Variants in CLEC3A observed in about 807,000 individuals in gnomAD.
The protein encoded by CLEC3A is C-type lectin domain family 3 member A, also known as C-type (calcium dependent, carbohydrate-recognition domain) lectin, superfamily member 1 (cartilage-derived).
A neutral mutation model predicts 20.4 loss-of-function variants in CLEC3A; 28 were observed. The ratio of observed to expected loss-of-function variants is 1.37; its 90% CI spans 1.02 to 1.88. The LOEUF (loss-of-function observed/expected upper bound fraction) is 1.88. Ranked by LOEUF, CLEC3A falls within the 40% of genes most tolerant of loss-of-function variation. CLEC3A has a pLI of 0.00. For synonymous variants in CLEC3A, 110 were observed against 88.1 expected, an observed-to-expected ratio of 1.25 and a Z score of -1.39; for missense variants, 357 against 240.4, an observed-to-expected ratio of 1.48 and a Z score of -3.21.
intron 1 of CLEC3A, among the ~76,000 whole-genome samples, chr16:78,023,476 C>A (rs2018775191): frequency 6.6e-6 from 1 of 152,014 alleles, no homozygotes; most frequent in Non-Finnish European, 1.5e-5. Flanking sequence ...GAGGTGTTTG[C>A]AATACGTTGA....
At chr16:78,030,256 G>C (rs1245859192) in intron 2 of CLEC3A, among the ~76,000 whole-genome samples, 191 bp from the exon 3 acceptor site, 1 of 152,004 alleles carries the variant, frequency 6.6e-6, no homozygotes, top group Non-Finnish European at 1.5e-5. Flanking sequence ...AACTTCATGG[G>C]GTTGTCAGGA....
chr16:78,025,098 C>G (rs962391323), intron 1 of CLEC3A, among the ~76,000 whole-genome samples: 1 of 152,190 alleles, frequency 6.6e-6, no homozygotes, highest in Non-Finnish European at 1.5e-5. Context: ...CATGAGCCAT[C>G]ATACCCAGCC....
intron 1 of CLEC3A, among the ~76,000 whole-genome samples, chr16:78,024,575 C>A (rs1331957846): frequency 2.0e-5 from 3 of 152,250 alleles, no homozygotes; most frequent in East Asian, 3.9e-4. Context: ...ATAGTTTTTG[C>A]TACTTTTTGC....
intron 2 of CLEC3A, 64 bp downstream of exon 2, chr16:78,028,254 C>T: frequency 8.3e-7 from 1 of 1,203,832 alleles, no homozygotes; most frequent in Non-Finnish European, 1.2e-6. Flanking sequence ...GGGTCAATTT[C>T]TGGGGGACGT....
chr16:78,023,391 C>A (rs2018774136), intron 1 of CLEC3A, among the ~76,000 whole-genome samples: 1 of 151,966 alleles, frequency 6.6e-6, no homozygotes, highest in South Asian at 2.1e-4. Flanking sequence ...ACTGAATCTC[C>A]CAGGAACCTC....
chr16:78,029,157 T>C (rs1284261483), intron 2 of CLEC3A: 1 of 455,730 alleles, frequency 2.2e-6, no homozygotes, highest in African/African-American at 2.0e-5. Context: ...GGTAAGTAAT[T>C]TGTTCAAGAG....
chr16:78,023,473 T>C (rs557645371), intron 1 of CLEC3A, among the ~76,000 whole-genome samples: 1 of 152,248 alleles, frequency 6.6e-6, no homozygotes, highest in Admixed American at 6.5e-5. Context: ...AGCGAGGTGT[T>C]TGCAATACGT....
At chr16:78,028,300 G>C in intron 2 of CLEC3A, 110 bp downstream of exon 2, 1 of 682,926 alleles carries the variant, frequency 1.5e-6, no homozygotes. Flanking sequence ...CAATAATGTG[G>C]CCAATAAGAG....
intron 2 of CLEC3A, among the ~76,000 whole-genome samples, chr16:78,029,756 G>C (rs1455977117): frequency 6.6e-6 from 1 of 152,012 alleles, no homozygotes; most frequent in Non-Finnish European, 1.5e-5. Flanking sequence ...AGAGTAGCAA[G>C]CATGTATATA....
At chr16:78,030,359 C>G (rs948933263) in intron 2 of CLEC3A, 88 bp from the exon 3 acceptor site, 1 of 1,182,660 alleles carries the variant, frequency 8.5e-7, no homozygotes, top group African/African-American at 1.5e-5. Flanking sequence ...CTTCATTCCA[C>G]AAATACTTAT....
intron 1 of CLEC3A, among the ~76,000 whole-genome samples, chr16:78,025,929 A>T (rs912054707): frequency 2.6e-5 from 4 of 152,182 alleles, no homozygotes; most frequent in Admixed American, 1.3e-4. Context: ...GAGGCCACTT[A>T]TTTAAGGAGA....
chr16:78,022,600 A>G lies in CLEC3A; in HGVS notation c.-27A>G, dbSNP rs2018763938. Reference sequence around the variant, plus strand: ...TAGCTGCTCTAAGGGGGCTGGCAACATGGCTCAGCAGGCTTGCCCCAGAGC... The same window carrying G: ...TAGCTGCTCTAAGGGGGCTGGCAACGTGGCTCAGCAGGCTTGCCCCAGAGC... On this transcript the variant is annotated 5_prime_UTR_variant, in exon 1 of 3. An upstream start codon of the reference 5' UTR is lost. Coordinates refer to ENST00000299642, the MANE Select transcript of CLEC3A (RefSeq NM_005752.6). 1 of 1,612,876 alleles carries G rather than the reference A, an allele frequency of 6.2e-7. No homozygotes were observed. The highest frequency in any genetic ancestry group is 8.5e-7 in the Non-Finnish European group (1 of 1,179,456).
At position 78,028,132 on chromosome 16, in the gene CLEC3A, A is replaced by C; in HGVS notation, c.141A>C (p.Gln47His). The C allele has an allele frequency of 6.2e-7, 1 of 1,611,944 alleles. No homozygotes were observed. The highest frequency in any genetic ancestry group is 8.5e-7 in the Non-Finnish European group (1 of 1,179,540). Residue 47 changes from glutamine to histidine, a missense_variant, in exon 2 of 3, where the codon CAA (glutamine) becomes CAC (histidine). Coordinates refer to ENST00000299642, the MANE Select transcript of CLEC3A (RefSeq NM_005752.6). Reference sequence around the variant, plus strand: ...ACAAGGATGGAGATCTGAAGACTCAAATTGAAAAGCTCTGGACAGAAGTCA... The same window carrying C: ...ACAAGGATGGAGATCTGAAGACTCACATTGAAAAGCTCTGGACAGAAGTCA... ...VRDKDGDLKT[Q>H]IEKLWTEVNA... is the part of the protein sequence containing the mutation.
At chr16:78,026,593 T>A (rs2029929956) in intron 1 of CLEC3A, among the ~76,000 whole-genome samples, 1 of 152,204 alleles carries the variant, frequency 6.6e-6, no homozygotes, top group African/African-American at 2.4e-5. Context: ...ATGGAGACAA[T>A]GATTGTGTCT....
At chr16:78,023,685 T>C (rs1452521030) in intron 1 of CLEC3A, among the ~76,000 whole-genome samples, 1 of 152,064 alleles carries the variant, frequency 6.6e-6, no homozygotes, top group African/African-American at 2.4e-5. Flanking sequence ...AGGGGTCTTG[T>C]GCTTTAAGGA....
intron 1 of CLEC3A, 145 bp from the exon 2 acceptor site, chr16:78,027,962 A>G: frequency 3.0e-6 from 2 of 677,284 alleles, no homozygotes; most frequent in South Asian, 3.5e-5. Context: ...GCCCCAAGTT[A>G]TTTTCACGCA....
intron 1 of CLEC3A, among the ~76,000 whole-genome samples, chr16:78,023,789 G>A (rs528979820): frequency 1.1e-4 from 16 of 143,968 alleles, no homozygotes; most frequent in South Asian, 4.4e-4. Context: ...ACAGAGTCTC[G>A]CTCTGTCGCC....
At position 78,031,443 on chromosome 16, in the gene CLEC3A, T is replaced by C. The variant is rs915153402; in HGVS notation, c.*602T>C. The C allele has an allele frequency of 1.3e-5, 2 of 152,168 alleles. No homozygotes were observed. The highest frequency in any genetic ancestry group is 2.9e-5 in the Non-Finnish European group (2 of 68,036). 9.4% of individuals were successfully genotyped at this position (152,168 alleles called of 1,614,324 possible). On this transcript the variant is annotated 3_prime_UTR_variant, in exon 3 of 3. Transcript: ENST00000299642. ...AGAGGTTCTGATTTGATTTTTTTTT[T>C]TTCTTCATGCCTACCCTTTTTTTGG...
intron 1 of CLEC3A, among the ~76,000 whole-genome samples, chr16:78,027,202 G>C (rs887472591): frequency 2.0e-5 from 3 of 151,882 alleles, no homozygotes; most frequent in Non-Finnish European, 4.4e-5. Context: ...AGAATAATAA[G>C]ACAGATGAAA....
Sources: gnomAD v4.1 joint callset for allele counts (sites outside exome capture counted in the v4.1 genomes callset) on GRCh38, gnomAD v4.1.1 for gene constraint, MANE v1.5 for transcripts, NCBI Gene and HGNC (gene_info 2026-07-23, HGNC 2026-07-21) for gene names.